The following NEBL variants were observed in gnomAD, a reference collection of about 807,000 sequenced individuals.
NEBL encodes LIM and SH3 protein 2.
Under a neutral mutation model 140.2 loss-of-function variants are expected in NEBL, and 122 were observed. That is an observed-to-expected ratio of 0.87 (90% CI 0.75 to 1.01). The LOEUF (loss-of-function observed/expected upper bound fraction) is 1.01, where lower values mean the gene tolerates loss of function less well. Among genes scored for constraint, NEBL ranks in the 50% least tolerant of loss-of-function variants. NEBL has a pLI of 0.00. For synonymous variants in NEBL, 436 were observed against 398.9 expected (o/e 1.09, Z -1.11); for missense variants, 1,365 against 1,231.3 (o/e 1.11, Z -1.62).
At chr10:20,819,827 C>T (rs1307298495) in intron 19 of NEBL, among the ~76,000 whole-genome samples, 6 of 152,010 alleles carry the variant, frequency 3.9e-5, no homozygotes, top group Non-Finnish European at 8.8e-5. Flanking sequence ...CAAGCTCCAG[C>T]GATCCTCCCG....
At chr10:21,043,984 C>A (rs1834384715) in intron 2 of NEBL, among the ~76,000 whole-genome samples, 1 of 152,128 alleles carries the variant, frequency 6.6e-6, no homozygotes, top group Non-Finnish European at 1.5e-5. Context: ...CTCCTTTCTA[C>A]AGATTCGTCT....
At chr10:20,862,203 C>A (rs1238752175) in intron 7 of NEBL, among the ~76,000 whole-genome samples, 3 of 152,038 alleles carry the variant, frequency 2.0e-5, no homozygotes, top group Non-Finnish European at 2.9e-5. Flanking sequence ...TTCTAAGAAA[C>A]AATAATCAAT....
chr10:21,054,102 A>T (rs1231997800), intron 2 of NEBL, among the ~76,000 whole-genome samples: 2 of 152,154 alleles, frequency 1.3e-5, no homozygotes, highest in Non-Finnish European at 2.9e-5. Flanking sequence ...AAATGGACAA[A>T]ATAGGAGAAA....
chr10:20,990,621 C>T, intron 3 of NEBL, among the ~76,000 whole-genome samples: 1 of 152,180 alleles, frequency 6.6e-6, no homozygotes, highest in East Asian at 1.9e-4. Flanking sequence ...CTTGTTGTAA[C>T]AACCCAAACT....
At chr10:21,220,669 G>T (rs1332074799) in intron 3 of NEBL, among the ~76,000 whole-genome samples, 3 of 152,112 alleles carry the variant, frequency 2.0e-5, no homozygotes, top group African/African-American at 7.2e-5. Context: ...AAACTAAAAA[G>T]GTTCTGCACA....
intron 4 of NEBL, among the ~76,000 whole-genome samples, chr10:20,923,137 C>A (rs1009665403): frequency 6.6e-6 from 1 of 152,070 alleles, no homozygotes; most frequent in Non-Finnish European, 1.5e-5. Flanking sequence ...GGTGCCATCA[C>A]GGCTCACTGC....
chr10:21,000,291 T>C (rs1029090786), intron 3 of NEBL, among the ~76,000 whole-genome samples: 5 of 151,752 alleles, frequency 3.3e-5, no homozygotes, highest in Non-Finnish European at 7.4e-5. Context: ...CAAGGGGCCA[T>C]ATGGCCCCAG....
At chr10:21,046,979 A>T (rs541873384) in intron 2 of NEBL, among the ~76,000 whole-genome samples, 2 of 152,238 alleles carry the variant, frequency 1.3e-5, no homozygotes, top group Non-Finnish European at 2.9e-5. Flanking sequence ...GATGGGGAAA[A>T]AAACAAGTAT....
At chr10:20,843,408 T>G (rs761099078) in intron 12 of NEBL, among the ~76,000 whole-genome samples, 1 of 152,050 alleles carries the variant, frequency 6.6e-6, no homozygotes, top group East Asian at 1.9e-4. Context: ...GATGCATGTA[T>G]TCTGAATTAA....
chr10:21,015,070 TC>T (rs1257257421), intron 3 of NEBL, among the ~76,000 whole-genome samples: 1 of 152,144 alleles, frequency 6.6e-6, no homozygotes, highest in Admixed American at 6.5e-5. Flanking sequence ...GAGCCCCAAA[TC>T]CCTCTTATTT....
chr10:20,859,156 C>A (rs1460015629), intron 8 of NEBL, among the ~76,000 whole-genome samples: 2 of 152,034 alleles, frequency 1.3e-5, no homozygotes, highest in Non-Finnish European at 2.9e-5. Flanking sequence ...TGTTTTTATA[C>A]TCTAATTCTA....
chr10:21,183,991 C>T (rs1841426308), intron 3 of NEBL, among the ~76,000 whole-genome samples: 1 of 152,158 alleles, frequency 6.6e-6, no homozygotes, highest in African/African-American at 2.4e-5. Context: ...TTCCACCTTC[C>T]ACCATGATTG....
chr10:21,187,739 C>T (rs1841499785), intron 3 of NEBL, among the ~76,000 whole-genome samples: 1 of 152,138 alleles, frequency 6.6e-6, no homozygotes, highest in African/African-American at 2.4e-5. Context: ...GTCTCAAACT[C>T]CTGAGCTCAA....
At chr10:21,049,998 C>A (rs181572051) in intron 2 of NEBL, among the ~76,000 whole-genome samples, 15 of 152,274 alleles carry the variant, frequency 9.9e-5, no homozygotes, top group Admixed American at 9.2e-4. Flanking sequence ...TGAAAGGTTA[C>A]TGAAGAGCAT....
chr10:21,138,366 G>A (rs1193504037), intron 2 of NEBL, among the ~76,000 whole-genome samples: 1 of 152,180 alleles, frequency 6.6e-6, no homozygotes, highest in Non-Finnish European at 1.5e-5. Context: ...AGGTACAACT[G>A]AGGGGCTCTC....
Position 20,845,528 on chromosome 10 carries a change from A to C in NEBL, c.1117-160T>G, listed in dbSNP as rs372997114. ...AGGGAAATAAGTTCAACTTTGTCAT[A>C]AATTTTAGAATTCTACCAAACAAAG... On this transcript the variant is annotated intron_variant, in intron 11 of 27. Coordinates refer to ENST00000377122, the MANE Select transcript of NEBL (RefSeq NM_006393.3). 34 of 582,394 alleles carry C rather than the reference A, an allele frequency of 5.8e-5. No homozygotes were observed. The African/African-American group carries it at 6.0e-4, about 10-fold the overall frequency. The allele number at this position is 582,394 out of a possible 1,614,324, so 36.1% of individuals were successfully genotyped here.
At chr10:20,824,460 A>G (rs951911529) in intron 18 of NEBL, among the ~76,000 whole-genome samples, 6 of 152,202 alleles carry the variant, frequency 3.9e-5, no homozygotes, top group African/African-American at 1.4e-4. Flanking sequence ...GAGACAGGCT[A>G]CCTCTAAATA....
At chr10:21,025,697 T>A (rs1838998135) in intron 2 of NEBL, among the ~76,000 whole-genome samples, 1 of 151,950 alleles carries the variant, frequency 6.6e-6, no homozygotes, top group African/African-American at 2.4e-5. Flanking sequence ...AGCACAGGAG[T>A]CAAAGTGCCT....
intron 3 of NEBL, among the ~76,000 whole-genome samples, chr10:21,230,150 C>T (rs1842226316): frequency 6.6e-6 from 1 of 152,112 alleles, no homozygotes; most frequent in Non-Finnish European, 1.5e-5. Context: ...TCAAATATAC[C>T]TGTGAGATTC....
Sources: allele counts gnomAD v4.1 joint callset (sites outside exome capture counted in the v4.1 genomes callset), GRCh38; gene constraint gnomAD v4.1.1; transcripts MANE v1.5; gene names NCBI Gene and HGNC (gene_info 2026-07-23, HGNC 2026-07-21).